The following CSMD1 variants were observed in gnomAD, a reference collection of about 807,000 sequenced individuals.
CSMD1 encodes the protein CUB and sushi domain-containing protein 1.
A neutral mutation model predicts 417.5 loss-of-function variants in CSMD1; 213 were observed. The observed-to-expected ratio is 0.51, with a 90% CI of 0.46 to 0.57. CSMD1 has a LOEUF of 0.57. CSMD1 is among the 20% of genes least tolerant of loss of function. The pLI is 0.00. For missense variants in CSMD1, 6,923 were observed against 4,529.7 expected, an observed-to-expected ratio of 1.53 and a Z score of -15.17; for synonymous variants, 2,862 against 1,736.8, an observed-to-expected ratio of 1.65 and a Z score of -16.11.
chr8:3,528,733 G>C (rs1031295176), intron 10 of CSMD1, among the ~76,000 whole-genome samples: 1 of 152,168 alleles, frequency 6.6e-6, no homozygotes, highest in Admixed American at 6.5e-5. Context: ...TTGGAATAGT[G>C]AATGTTCCAA....
At chr8:4,105,093 G>A (rs117379998) in intron 3 of CSMD1, among the ~76,000 whole-genome samples, 1 of 152,262 alleles carries the variant, frequency 6.6e-6, no homozygotes, top group Non-Finnish European at 1.5e-5. Context: ...CAGCAAGGGA[G>A]GGTTTTAATG....
At position 3,888,531 on chromosome 8, in the gene CSMD1, G is replaced by A. The variant is rs182894311; in HGVS notation, c.818+109372C>T. On this transcript the variant is annotated intron_variant, in intron 5 of 69. Transcript: ENST00000635120. ...AAGCGCTTTGCTGGCTCCCCCATCT[G>A]ACCTTGTCATGCCTCTTGTATCAAG... is the stretch of plus-strand genomic sequence containing the variant. 2.5e-4 allele frequency among the ~76,000 whole-genome samples: 38 copies of A among 152,296 alleles called. No individual in the cohort carries two copies. In the East Asian group the frequency reaches 6.6e-3, roughly 26 times the overall value.
chr8:4,198,646 C>T (rs994176250), intron 3 of CSMD1, among the ~76,000 whole-genome samples: 3 of 152,132 alleles, frequency 2.0e-5, no homozygotes, highest in Non-Finnish European at 4.4e-5. Context: ...GTCCCATTAT[C>T]AACATAGCTT....
At chr8:3,108,191 G>A (rs914747739) in intron 44 of CSMD1, among the ~76,000 whole-genome samples, 7 of 152,184 alleles carry the variant, frequency 4.6e-5, no homozygotes, top group African/African-American at 1.7e-4. Flanking sequence ...TGAGAGATAA[G>A]CGATTGATTG....
intron 1 of CSMD1, among the ~76,000 whole-genome samples, chr8:4,851,661 G>A (rs141610199): frequency 1.4e-3 from 210 of 152,130 alleles, no homozygotes; most frequent in Middle Eastern, 6.8e-3. Flanking sequence ...AATGTCTCCT[G>A]CTCTCCCTCT....
chr8:4,381,275 G>C (rs908295262), intron 3 of CSMD1, among the ~76,000 whole-genome samples: 11 of 152,154 alleles, frequency 7.2e-5, no homozygotes, highest in South Asian at 6.2e-4. Context: ...CGTCAAAACA[G>C]CCTTCCAGAG....
chr8:3,524,402 C>T (rs1338662835), intron 10 of CSMD1, among the ~76,000 whole-genome samples: 1 of 151,480 alleles, frequency 6.6e-6, no homozygotes, highest in East Asian at 2.0e-4. Context: ...CATGCACACC[C>T]AGACATATGC....
chr8:4,014,750 A>G (rs1051758078), intron 4 of CSMD1, among the ~76,000 whole-genome samples: 2 of 152,208 alleles, frequency 1.3e-5, no homozygotes, highest in East Asian at 1.9e-4. Context: ...TGCCCATCAC[A>G]AAGAAGGGCA....
At chr8:3,298,769 A>G (rs1175219363) in intron 25 of CSMD1, among the ~76,000 whole-genome samples, 3 of 152,112 alleles carry the variant, frequency 2.0e-5, no homozygotes, top group African/African-American at 7.2e-5. Flanking sequence ...CTTTTACATA[A>G]AATTCAAATT....
intron 2 of CSMD1, among the ~76,000 whole-genome samples, chr8:4,507,209 A>G (rs1363429167): frequency 6.6e-6 from 1 of 152,224 alleles, no homozygotes. Context: ...AAGACACAAT[A>G]AAAAACCTAG....
At position 4,153,540 on chromosome 8, in the gene CSMD1, G is replaced by C. The variant is rs190488045; in HGVS notation, c.416-121441C>G. On this transcript the variant is annotated intron_variant, in intron 3 of 69. Transcript: ENST00000635120. Reference sequence around the variant, plus strand: ...ATTACAAAGCACCAGCTGGTCCCTCGTCAGCAGCGGCCTCCACGCAATCAT... The same window carrying C: ...ATTACAAAGCACCAGCTGGTCCCTCCTCAGCAGCGGCCTCCACGCAATCAT... 4.9e-4 allele frequency among the ~76,000 whole-genome samples: 75 copies of C among 152,300 alleles called. No homozygotes were observed. In the East Asian group the frequency reaches 0.012, roughly 24 times the overall value.
chr8:2,954,205 A>T lies in CSMD1; in HGVS notation c.10039+19T>A, dbSNP rs779662992. On this transcript the variant is annotated intron_variant, in intron 65 of 69. Coordinates refer to ENST00000635120, the MANE Select transcript of CSMD1 (RefSeq NM_033225.6). ...TCACTTTATTGGATTGAAATCTAGAACTGTTCTGGTATACAAACCTGGAGT... is the reference window on the plus strand; with the variant it reads ...TCACTTTATTGGATTGAAATCTAGATCTGTTCTGGTATACAAACCTGGAGT... 2 of 1,416,734 alleles carry T rather than the reference A, an allele frequency of 1.4e-6. No homozygotes were observed. The highest frequency in any genetic ancestry group is 1.3e-5 in the South Asian group (1 of 76,490). The allele number at this position is 1,416,734 out of a possible 1,614,324, so 87.8% of individuals were successfully genotyped here. A position where few individuals can be genotyped will look rare whatever the true frequency, so the allele number is the denominator to read the frequency against.
chr8:3,532,886 T>G (rs1374410019), intron 10 of CSMD1, among the ~76,000 whole-genome samples: 2 of 152,176 alleles, frequency 1.3e-5, no homozygotes, highest in East Asian at 3.9e-4. Flanking sequence ...ATCTATTTTT[T>G]AATCAATAGT....
intron 3 of CSMD1, among the ~76,000 whole-genome samples, chr8:4,278,931 A>T (rs2128857887): frequency 6.6e-6 from 1 of 152,346 alleles, no homozygotes; most frequent in South Asian, 2.1e-4. Flanking sequence ...TCATTTAAAA[A>T]TACTTGCCCT....
chr8:4,123,391 G>C (rs1277804888), intron 3 of CSMD1, among the ~76,000 whole-genome samples: 1 of 152,032 alleles, frequency 6.6e-6, no homozygotes, highest in Non-Finnish European at 1.5e-5. Flanking sequence ...TTCTTATCTG[G>C]GTGTGCCACA....
intron 7 of CSMD1, among the ~76,000 whole-genome samples, chr8:3,648,861 G>C (rs1797708107): frequency 6.6e-6 from 1 of 152,162 alleles, no homozygotes; most frequent in South Asian, 2.1e-4. Flanking sequence ...TACCAAGTGT[G>C]ACTCAGTTCA....
In CSMD1 at chr8:4,709,882, A is replaced by G. The variant is rs543493839; in HGVS notation, c.86-72324T>C. Among the ~76,000 whole-genome samples, 3 of 152,364 alleles carry G rather than the reference A, an allele frequency of 2.0e-5. No individual in the cohort carries two copies. In the East Asian group the frequency reaches 5.8e-4, roughly 29 times the overall value. On this transcript the variant is annotated intron_variant, in intron 1 of 69. Coordinates refer to ENST00000635120, the MANE Select transcript of CSMD1 (RefSeq NM_033225.6). Reference sequence around the variant, plus strand: ...AACGGAAAAGTCTCAATGAACGTTTAAAGTAAACACATCTGAAATGGCCCA... The same window carrying G: ...AACGGAAAAGTCTCAATGAACGTTTGAAGTAAACACATCTGAAATGGCCCA...
intron 1 of CSMD1, among the ~76,000 whole-genome samples, chr8:4,725,064 G>A (rs960165622): frequency 1.3e-5 from 2 of 152,118 alleles, no homozygotes; most frequent in African/African-American, 4.8e-5. Context: ...GGGGAAATGT[G>A]TGACTTTTGC....
At chr8:3,660,752 C>A (rs1798373995) in intron 7 of CSMD1, among the ~76,000 whole-genome samples, 1 of 152,026 alleles carries the variant, frequency 6.6e-6, no homozygotes, top group Non-Finnish European at 1.5e-5. Context: ...AACTCCTGAC[C>A]TCAAATGATC....
Sources: gnomAD v4.1 joint callset for allele counts (sites outside exome capture counted in the v4.1 genomes callset) on GRCh38, gnomAD v4.1.1 for gene constraint, MANE v1.5 for transcripts, NCBI Gene and HGNC (gene_info 2026-07-23, HGNC 2026-07-21) for gene names.